Variants in PCDHA10 observed in about 807,000 individuals in gnomAD.
PCDHA10 encodes protocadherin alpha-10.
In PCDHA10, 45 loss-of-function variants were observed where a neutral mutation model predicts 61.2. The ratio of observed to expected loss-of-function variants is 0.74; its 90% CI spans 0.58 to 0.94. The LOEUF (loss-of-function observed/expected upper bound fraction) is 0.94. PCDHA10 is among the 40% of genes least tolerant of loss of function. The pLI is 0.00. For missense variants in PCDHA10, 1,278 were observed against 1,236.2 expected (o/e 1.03, Z -0.51); for synonymous variants, 602 against 548.8 (o/e 1.10, Z -1.35).
At chr5:141,006,050 G>A (rs1554260524) in intron 3 of PCDHA10, among the ~76,000 whole-genome samples, 1 of 151,092 alleles carries the variant, frequency 6.6e-6, no homozygotes, top group African/African-American at 2.4e-5. Flanking sequence ...GTAGATGAGA[G>A]TGGAGAAGAA....
chr5:140,878,890 T>C (rs1219933788), intron 1 of PCDHA10, among the ~76,000 whole-genome samples: 1 of 152,242 alleles, frequency 6.6e-6, no homozygotes, highest in East Asian at 1.9e-4. Flanking sequence ...TAGCTGAGAC[T>C]ACAGGCAGGC....
intron 1 of PCDHA10, chr5:140,928,696 C>G: frequency 6.2e-7 from 1 of 1,614,146 alleles, no homozygotes. Flanking sequence ...CCACATCTCC[C>G]GGGCGTCTGA....
At chr5:140,882,535 G>A (rs2059175245) in intron 1 of PCDHA10, 4 of 1,614,232 alleles carry the variant, frequency 2.5e-6, no homozygotes, top group East Asian at 2.2e-5. Flanking sequence ...TGAATTCTCG[G>A]ATCGACCGCG....
intron 1 of PCDHA10, among the ~76,000 whole-genome samples, chr5:140,933,313 C>T (rs977318847): frequency 3.9e-5 from 6 of 151,916 alleles, no homozygotes; most frequent in African/African-American, 1.4e-4. Context: ...TATGCAATCT[C>T]GTATTCTCCT....
Position 140,857,175 on chromosome 5 carries a change from A to G in PCDHA10, c.1127A>G (p.His376Arg), listed in dbSNP as rs149086377. ...TVIALISVSDHDSGANGQVTC... is the reference protein window; with the variant it reads ...TVIALISVSDRDSGANGQVTC... ...ATTGCCCTAATCAGCGTTTCTGACC[A>G]TGATTCAGGAGCCAACGGACAGGTC... The change falls in exon 1 of 4, where the codon CAT becomes CGT. Residue 376 changes from histidine to arginine, a missense_variant. Transcript: ENST00000307360. 1.1e-5 allele frequency: 18 copies of G among 1,598,338 alleles called. No homozygotes were observed. The African/African-American group carries it at 1.3e-4, about 12-fold the overall frequency.
At chr5:140,870,920 T>G (rs782215482) in intron 1 of PCDHA10, 20 of 1,613,814 alleles carry the variant, frequency 1.2e-5, no homozygotes, top group Non-Finnish European at 3.4e-6. Flanking sequence ...AACGCGTGGC[T>G]TTCATATGAA....
chr5:140,878,027 G>C, intron 1 of PCDHA10: 1 of 699,256 alleles, frequency 1.4e-6, no homozygotes, highest in Non-Finnish European at 2.1e-6. Flanking sequence ...GAAATATGTA[G>C]GTACAATGGA....
At position 140,882,742 on chromosome 5, in the gene PCDHA10, C is replaced by G. The variant is rs372229324; in HGVS notation, c.2388+24306C>G. Reference sequence around the variant, plus strand: ...CTCGATTTCCACTAGATGGCGCATCCGATGCAGATATTGGAGTAAACTCGG... The same window carrying G: ...CTCGATTTCCACTAGATGGCGCATCGGATGCAGATATTGGAGTAAACTCGG... On this transcript the variant is annotated intron_variant, in intron 1 of 3. Coordinates refer to ENST00000307360, the MANE Select transcript of PCDHA10 (RefSeq NM_018901.4). 126 of 1,614,092 alleles carry G rather than the reference C, an allele frequency of 7.8e-5. 1 individual carries two copies. The Middle Eastern group carries it at 1.6e-3, about 21-fold the overall frequency.
intron 1 of PCDHA10, chr5:140,882,580 C>T (rs371338305): frequency 1.2e-6 from 2 of 1,614,126 alleles, no homozygotes; most frequent in African/African-American, 2.7e-5. Context: ...AGTGCAGCAT[C>T]CACCTGGAGG....
chr5:140,908,430 C>T (rs543426512), intron 1 of PCDHA10, among the ~76,000 whole-genome samples: 56 of 152,262 alleles, frequency 3.7e-4, no homozygotes, highest in Admixed American at 7.2e-4. Flanking sequence ...TGCTGCTGTG[C>T]GCACCCCACT....
chr5:140,908,998 C>G (rs2074255436), intron 1 of PCDHA10, among the ~76,000 whole-genome samples: 1 of 152,156 alleles, frequency 6.6e-6, no homozygotes, highest in South Asian at 2.1e-4. Flanking sequence ...AGAAATTTTA[C>G]TGAGGTAGAA....
At chr5:140,868,057 G>C (rs1243916361) in intron 1 of PCDHA10, 4 of 152,030 alleles carry the variant, frequency 2.6e-5, no homozygotes, top group African/African-American at 7.2e-5. Flanking sequence ...ATGGCACAAA[G>C]ATGTTCAGGG....
intron 1 of PCDHA10, among the ~76,000 whole-genome samples, chr5:140,936,532 A>G (rs1431070462): frequency 6.6e-6 from 1 of 152,222 alleles, no homozygotes; most frequent in East Asian, 1.9e-4. Context: ...ATTGCTTTTG[A>G]ATATAGTGCA....
intron 3 of PCDHA10, among the ~76,000 whole-genome samples, chr5:140,986,383 A>G (rs1277624649): frequency 2.6e-5 from 4 of 152,178 alleles, no homozygotes; most frequent in Admixed American, 1.3e-4. Flanking sequence ...GGGGAGGGAC[A>G]TTAAAGGGCC....
At chr5:140,967,680 G>A in intron 1 of PCDHA10, 4 of 1,614,228 alleles carry the variant, frequency 2.5e-6, no homozygotes, top group South Asian at 1.1e-5. Context: ...GACCGGGAGA[G>A]GCAGCTCTTC....
chr5:140,936,867 T>TA (rs1471990778), intron 1 of PCDHA10, among the ~76,000 whole-genome samples: 5 of 152,214 alleles, frequency 3.3e-5, no homozygotes, highest in Admixed American at 2.6e-4. Context: ...GTTTCTATTT[T>TA]AAAAAACCCT....
chr5:140,871,999 T>C (rs116431688), intron 1 of PCDHA10, among the ~76,000 whole-genome samples: 316 of 152,330 alleles, frequency 2.1e-3, no homozygotes, highest in African/African-American at 7.4e-3. Flanking sequence ...CAGTGGCTAT[T>C]TACAGGTGAC....
chr5:140,906,296 A>G (rs1378311950), intron 1 of PCDHA10, among the ~76,000 whole-genome samples: 9 of 152,226 alleles, frequency 5.9e-5, no homozygotes, highest in Non-Finnish European at 1.5e-5. Flanking sequence ...GACAATAATA[A>G]GGTCATAATT....
At position 140,879,675 on chromosome 5, in the gene PCDHA10, G is replaced by T. The variant is rs141369145; in HGVS notation, c.2388+21239G>T. ...TATAACAAACGAACACAAACTGGGT[G>T]CTGTAAAACAGCAAAAGTTTATTAT... On this transcript the variant is annotated intron_variant, in intron 1 of 3. Transcript: ENST00000307360. 5.3e-5 allele frequency among the ~76,000 whole-genome samples: 8 copies of T among 152,360 alleles called. No homozygotes were observed. The East Asian group carries it at 1.3e-3, about 26-fold the overall frequency.
Sources: allele counts gnomAD v4.1 joint callset (sites outside exome capture counted in the v4.1 genomes callset), GRCh38; gene constraint gnomAD v4.1.1; transcripts MANE v1.5; gene names NCBI Gene and HGNC (gene_info 2026-07-23, HGNC 2026-07-21).